The following GRIN3A variants were observed in gnomAD, a reference collection of about 807,000 sequenced individuals.
GRIN3A encodes the protein glutamate ionotropic receptor NMDA type subunit 3A, also known as glutamate receptor ionotropic, NMDA 3A.
Under a neutral mutation model 92.4 loss-of-function variants are expected in GRIN3A, and 47 were observed. That is an observed-to-expected ratio of 0.51 (90% CI 0.40 to 0.65). GRIN3A has a LOEUF of 0.65. Among genes scored for constraint, GRIN3A ranks in the 30% least tolerant of loss-of-function variants. The probability of loss-of-function intolerance (pLI) is 0.00; values close to 1 mark genes in which losing one functional copy is unlikely to be tolerated. For missense variants in GRIN3A, 1,324 were observed against 1,393.1 expected (o/e 0.95, Z 0.79); for synonymous variants, 527 against 540.6 (o/e 0.97, Z 0.35).
chr9:101,737,310 C>A lies in GRIN3A; in HGVS notation c.670G>T (p.Val224Leu). 2 of 1,614,126 alleles carry A rather than the reference C, an allele frequency of 1.2e-6. No individual in the cohort carries two copies. Among genetic ancestry groups the A allele is most frequent in the Non-Finnish European group, 1.7e-6 (2 of 1,180,026 alleles). ...LVLHIPVISI[V>L]RHEFPRESQN... ...CTCTCCCGTGGAAACTCGTGGCGCA[C>A]GATGCTGATCACTGGAATGTGCAGG... The change falls in exon 1 of 9, where the codon GTG (valine) becomes TTG (leucine). Residue 224 changes from valine to leucine, a missense_variant. Val to Leu is a conservative substitution (Grantham distance 32, BLOSUM62 1). Coordinates refer to ENST00000361820, the MANE Select transcript of GRIN3A (RefSeq NM_133445.3).
At chr9:101,689,361 T>C (rs1829582394) in intron 1 of GRIN3A, among the ~76,000 whole-genome samples, 1 of 152,194 alleles carries the variant, frequency 6.6e-6, no homozygotes, top group African/African-American at 2.4e-5. Flanking sequence ...GAGTCACGGA[T>C]GAAATTGTTG....
intron 3 of GRIN3A, among the ~76,000 whole-genome samples, chr9:101,658,351 TA>T (rs1829118885): frequency 6.6e-6 from 1 of 152,002 alleles, no homozygotes; most frequent in Non-Finnish European, 1.5e-5. Flanking sequence ...AAATTATATC[TA>T]TGGTCTTACC....
At chr9:101,595,084 G>A (rs756809228) in intron 6 of GRIN3A, 4 of 712,290 alleles carry the variant, frequency 5.6e-6, no homozygotes, top group Non-Finnish European at 9.1e-6. Context: ...AGGGAGGGGC[G>A]GCAGGTCAGA....
At chr9:101,721,580 G>C (rs58833506) in intron 1 of GRIN3A, among the ~76,000 whole-genome samples, 1,785 of 152,276 alleles carry the variant, frequency 0.012, 41 homozygotes, top group African/African-American at 0.041. Flanking sequence ...CTCCTAGAGA[G>C]TTGTTGAAAG....
At chr9:101,627,959 T>A (rs1828655841) in intron 4 of GRIN3A, among the ~76,000 whole-genome samples, 1 of 152,198 alleles carries the variant, frequency 6.6e-6, no homozygotes, top group Non-Finnish European at 1.5e-5. Context: ...TATTCTCAAG[T>A]GATGTAAAGC....
intron 1 of GRIN3A, among the ~76,000 whole-genome samples, chr9:101,704,014 C>G (rs1422255363): frequency 6.6e-6 from 1 of 152,150 alleles, no homozygotes; most frequent in East Asian, 1.9e-4. Context: ...TGTTTAAACA[C>G]AAGCGAAAGG....
intron 3 of GRIN3A, among the ~76,000 whole-genome samples, chr9:101,658,362 CATGAAGTGAA>C (rs1275573949): frequency 1.3e-5 from 2 of 151,734 alleles, no homozygotes; most frequent in Non-Finnish European, 2.9e-5. Flanking sequence ...ATGGTCTTAC[CATGAAGTGAA>C]ATAAGTCTTT....
Position 101,571,341 on chromosome 9 carries a change from TC to T in GRIN3A, c.*1832del, listed in dbSNP as rs1013700797. 3.3e-5 allele frequency: 5 copies of T among 152,190 alleles called. No homozygotes were observed. The highest frequency in any genetic ancestry group is 1.2e-4 in the African/African-American group (5 of 41,442). The allele number at this position is 152,190 out of a possible 1,614,324, so 9.4% of individuals were successfully genotyped here. ...ATCTAACTACAGCTTAAGTTGTTATTCCCTGGGTGACTGGGTAGATTTTGGT... is the reference window on the plus strand; with the variant it reads ...ATCTAACTACAGCTTAAGTTGTTATTCCTGGGTGACTGGGTAGATTTTGGT... On this transcript the variant is annotated 3_prime_UTR_variant, in exon 9 of 9. Transcript: ENST00000361820.
At chr9:101,720,595 A>T (rs7849059) in intron 1 of GRIN3A, among the ~76,000 whole-genome samples, 143,699 of 152,302 alleles carry the variant, frequency 0.94, 68,070 homozygotes, top group Middle Eastern at 0.99. Flanking sequence ...AGGCCTGGCC[A>T]GAGGTCTTAA....
At chr9:101,705,617 C>A (rs2119006897) in intron 1 of GRIN3A, among the ~76,000 whole-genome samples, 1 of 152,240 alleles carries the variant, frequency 6.6e-6, no homozygotes, top group African/African-American at 2.4e-5. Flanking sequence ...TCTGCGTGCT[C>A]CCCCTCGTCT....
chr9:101,686,561 A>G (rs768650155), intron 2 of GRIN3A, 35 bp downstream of exon 2: 59 of 1,613,094 alleles, frequency 3.7e-5, no homozygotes, highest in Middle Eastern at 1.6e-4. Flanking sequence ...TCATGGCCCT[A>G]TGAATGGGGA....
chr9:101,719,193 C>T (rs561545592), intron 1 of GRIN3A, among the ~76,000 whole-genome samples: 49 of 152,116 alleles, frequency 3.2e-4, no homozygotes, highest in Admixed American at 1.4e-3. Context: ...CCGAAGCGGG[C>T]GGATCACAAG....
chr9:101,588,752 T>C (rs2118803014), intron 6 of GRIN3A, among the ~76,000 whole-genome samples: 1 of 152,162 alleles, frequency 6.6e-6, no homozygotes. Flanking sequence ...ATTATGCTTT[T>C]AAAAGAACTT....
intron 1 of GRIN3A, among the ~76,000 whole-genome samples, chr9:101,731,394 A>G (rs1373120363): frequency 6.6e-6 from 1 of 152,216 alleles, no homozygotes; most frequent in Non-Finnish European, 1.5e-5. Flanking sequence ...TTATTTAAAC[A>G]TATTTGTGAA....
At chr9:101,667,905 T>G (rs1829262905) in intron 3 of GRIN3A, among the ~76,000 whole-genome samples, 1 of 152,028 alleles carries the variant, frequency 6.6e-6, no homozygotes, top group African/African-American at 2.4e-5. Flanking sequence ...AAAAGAGATA[T>G]TTTACCGTAG....
At chr9:101,732,493 A>G (rs1301263244) in intron 1 of GRIN3A, among the ~76,000 whole-genome samples, 6 of 152,216 alleles carry the variant, frequency 3.9e-5, no homozygotes, top group Non-Finnish European at 7.3e-5. Context: ...ATACAGAAAC[A>G]GTACTGTGGC....
At chr9:101,606,043 A>C (rs1828276546) in intron 6 of GRIN3A, among the ~76,000 whole-genome samples, 1 of 152,204 alleles carries the variant, frequency 6.6e-6, no homozygotes, top group African/African-American at 2.4e-5. Flanking sequence ...TCCCAAGACC[A>C]GGGTCATTTA....
At chr9:101,721,237 A>T (rs1221127433) in intron 1 of GRIN3A, among the ~76,000 whole-genome samples, 2 of 152,072 alleles carry the variant, frequency 1.3e-5, no homozygotes, top group Admixed American at 1.3e-4. Flanking sequence ...AGATCTGATG[A>T]GTTTATCAGG....
At chr9:101,660,063 G>A (rs916249808) in intron 3 of GRIN3A, among the ~76,000 whole-genome samples, 23 of 151,638 alleles carry the variant, frequency 1.5e-4, no homozygotes, top group African/African-American at 5.1e-4. Flanking sequence ...ACTAATTGTC[G>A]TGTACTGTGT....
Sources: allele counts gnomAD v4.1 joint callset (sites outside exome capture counted in the v4.1 genomes callset), GRCh38; gene constraint gnomAD v4.1.1; transcripts MANE v1.5; gene names NCBI Gene and HGNC (gene_info 2026-07-23, HGNC 2026-07-21).